Variants in XAGE2 observed in about 807,000 individuals in gnomAD.
XAGE2 encodes G antigen family D member 3.
In XAGE2, 7 loss-of-function variants were observed where a neutral mutation model predicts 9.9. The observed-to-expected ratio is 0.71, with a 90% CI of 0.40 to 1.32. The LOEUF (loss-of-function observed/expected upper bound fraction) is 1.32. Ranked by LOEUF, XAGE2 falls within the 40% of genes most tolerant of loss-of-function variation. The probability of loss-of-function intolerance (pLI) is 0.01; values close to 1 mark genes in which losing one functional copy is unlikely to be tolerated. For missense variants in XAGE2, 85 were observed against 81.0 expected (o/e 1.05, Z -0.19); for synonymous variants, 31 against 26.8 (o/e 1.16, Z -0.48).
chrX:52,373,119 A>G (rs1921233432), intron 4 of XAGE2, among the ~76,000 whole-genome samples: 1 of 112,490 alleles, frequency 8.9e-6, no homozygotes, highest in African/African-American at 3.2e-5. Flanking sequence ...AATGCAGATC[A>G]AATGTATTAA....
chrX:52,374,031 G>A (rs954323770), intron 4 of XAGE2, among the ~76,000 whole-genome samples: 18 of 111,426 alleles, frequency 1.6e-4, no homozygotes, highest in African/African-American at 5.5e-4. Flanking sequence ...CTTAATAACA[G>A]ACAGGTAGGA....
At chrX:52,372,712 T>C in intron 4 of XAGE2, 43 bp downstream of exon 4, 5 of 1,193,615 alleles carry the variant, frequency 4.2e-6, no homozygotes, top group Admixed American at 2.2e-5. Context: ...ATTTCTATTT[T>C]TTACAATATT....
At position 52,375,646 on chromosome X, in the gene XAGE2, A is replaced by C. The variant is rs985424936; in HGVS notation, c.*55A>C. The C allele has an allele frequency of 3.9e-6, 4 of 1,031,020 alleles. No homozygotes were observed. The highest frequency in any genetic ancestry group is 5.3e-6 in the Non-Finnish European group (4 of 748,407). The allele number at this position is 1,031,020 out of a possible 1,213,427, so 85.0% of individuals were successfully genotyped here. On this transcript the variant is annotated 3_prime_UTR_variant, in exon 5 of 5. Coordinates refer to ENST00000286049, the MANE Select transcript of XAGE2 (RefSeq NM_130777.3). Reference sequence around the variant, plus strand: ...TTTTTATATTAGATATTTTACTTTAAAATATCTTAATAAAGTTTTAAGCTT... The same window carrying C: ...TTTTTATATTAGATATTTTACTTTACAATATCTTAATAAAGTTTTAAGCTT...
chrX:52,369,955 A>G (rs1218551719), intron 1 of XAGE2, 52 bp from the exon 2 acceptor site: 4 of 1,152,804 alleles, frequency 3.5e-6, no homozygotes, highest in Non-Finnish European at 4.7e-6. Context: ...AAGTGGTCAA[A>G]TACAGCTATC....
chrX:52,372,716 C>T, intron 4 of XAGE2, 47 bp downstream of exon 4: 1 of 1,182,738 alleles, frequency 8.5e-7, no homozygotes, highest in Non-Finnish European at 1.1e-6. Flanking sequence ...CTATTTTTTA[C>T]AATATTATAC....
intron 1 of XAGE2, 117 bp from the exon 2 acceptor site, chrX:52,369,890 C>T: frequency 1.2e-6 from 1 of 809,648 alleles, no homozygotes; most frequent in Non-Finnish European, 1.9e-6. Flanking sequence ...CTGGGACTTA[C>T]TTTCAAATTA....
intron 1 of XAGE2, among the ~76,000 whole-genome samples, chrX:52,369,730 C>T (rs938320661): frequency 1.8e-5 from 2 of 112,307 alleles, no homozygotes; most frequent in Admixed American, 1.9e-4. Context: ...TAAATGTCTC[C>T]ACTATGGAGA....
chrX:52,373,717 A>AT (rs1296483040), intron 4 of XAGE2, among the ~76,000 whole-genome samples: 24 of 110,844 alleles, frequency 2.2e-4, no homozygotes, highest in East Asian at 5.6e-4. Flanking sequence ...TCTTTTACAC[A>AT]TTTTTTTTTA....
intron 4 of XAGE2, 111 bp downstream of exon 4, chrX:52,372,780 C>T: frequency 1.1e-5 from 11 of 1,008,570 alleles, no homozygotes; most frequent in Non-Finnish European, 1.5e-5. Flanking sequence ...TGTTCAAATA[C>T]ACACTTTCTT....
chrX:52,369,910 T>C (rs1921148393), intron 1 of XAGE2, 97 bp from the exon 2 acceptor site: 3 of 962,543 alleles, frequency 3.1e-6, no homozygotes, highest in African/African-American at 3.8e-5. Context: ...ATTTCCAAAC[T>C]TTTTTAAAAA....
intron 4 of XAGE2, among the ~76,000 whole-genome samples, chrX:52,373,055 T>A (rs1228994751): frequency 8.9e-6 from 1 of 112,676 alleles, no homozygotes. Context: ...TTTGTGAGAA[T>A]CTGGACAAAT....
In XAGE2 at chrX:52,370,570, C is replaced by A. The variant is rs1921164328; in HGVS notation, c.85C>A (p.Pro29Thr). ...TACTGCCTCCCCTTTGTCCCAGGAA[C>A]CCACTGATGAAGAGCCTAAAGAAGA... ...PPELIGAMLE[P>T]TDEEPKEEKP... The change falls in exon 3 of 5, where the codon CCC becomes ACC. Residue 29 changes from proline (P) to threonine (T), a missense_variant. Physicochemically the swap from Pro to Thr is conservative, Grantham distance 38. Coordinates refer to ENST00000286049, the MANE Select transcript of XAGE2 (RefSeq NM_130777.3). The A allele has an allele frequency of 8.3e-7, 1 of 1,210,353 alleles. No homozygotes were observed. The highest frequency in any genetic ancestry group is 2.2e-5 in the Admixed American group (1 of 45,997).
At chrX:52,372,325 A>C (rs901538321) in intron 3 of XAGE2, among the ~76,000 whole-genome samples, 1 of 110,630 alleles carries the variant, frequency 9.0e-6, no homozygotes, top group Admixed American at 9.6e-5. Context: ...GCACCCCTGT[A>C]CTCCAGCCTG....
At chrX:52,374,545 G>A (rs1921267766) in intron 4 of XAGE2, among the ~76,000 whole-genome samples, 1 of 111,824 alleles carries the variant, frequency 8.9e-6, no homozygotes, top group African/African-American at 3.3e-5. Context: ...AAGTGAATAC[G>A]TTCTTAAACT....
At chrX:52,372,215 G>A (rs1921209355) in intron 3 of XAGE2, among the ~76,000 whole-genome samples, 1 of 110,358 alleles carries the variant, frequency 9.1e-6, no homozygotes, top group Admixed American at 9.6e-5. Context: ...ACAAAAATTA[G>A]CCTTGGTGGT....
Position 52,370,032 on chromosome X carries a change from A to G in XAGE2, c.18A>G (p.Arg6=). MSWRG[R]STYRPRPRRS... ...AGTGAAATATGAGTTGGCGAGGAAG[A>G]TCAACATATAGGCCTAGGCCAAGAA... The change falls in exon 2 of 5, where the codon AGA becomes AGG. Residue 6 remains arginine (R), a synonymous_variant. Transcript: ENST00000286049. 4 of 1,212,376 alleles carry G rather than the reference A, an allele frequency of 3.3e-6. No homozygotes were observed. Among genetic ancestry groups the G allele is most frequent in the Non-Finnish European group, 2.2e-6 (2 of 895,486 alleles).
intron 1 of XAGE2, 109 bp from the exon 2 acceptor site, chrX:52,369,898 T>A: frequency 3.4e-6 from 3 of 877,004 alleles, no homozygotes; most frequent in Non-Finnish European, 5.1e-6. Context: ...TACTTTCAAA[T>A]TATTTCCAAA....
At chrX:52,375,508 C>T (rs1385371750) in intron 4 of XAGE2, 61 bp from the exon 5 acceptor site, 1 of 1,154,313 alleles carries the variant, frequency 8.7e-7, no homozygotes, top group African/African-American at 1.8e-5. Context: ...ATTTGCATAT[C>T]TTAATGTGAT....
intron 3 of XAGE2, among the ~76,000 whole-genome samples, chrX:52,371,385 C>T (rs1412405228): frequency 2.7e-5 from 3 of 111,922 alleles, no homozygotes; most frequent in African/African-American, 9.7e-5. Context: ...GCCACTGTTC[C>T]CTTTGATCAG....
Sources: allele counts gnomAD v4.1 joint callset (sites outside exome capture counted in the v4.1 genomes callset), GRCh38; gene constraint gnomAD v4.1.1; transcripts MANE v1.5; gene names NCBI Gene and HGNC (gene_info 2026-07-23, HGNC 2026-07-21).